DLC1: variants seen among roughly 807,000 people sequenced by gnomAD.
DLC1 encodes DLC1 Rho GTPase activating protein.
In DLC1, 54 loss-of-function variants were observed where a neutral mutation model predicts 140.3. The observed-to-expected ratio is 0.38, with a 90% CI of 0.31 to 0.48. The LOEUF is 0.48. Ranked by LOEUF, DLC1 falls within the 20% of genes least tolerant of loss-of-function variation. The pLI is 0.96. For synonymous variants in DLC1, 986 were observed against 728.1 expected (o/e 1.35, Z -5.70); for missense variants, 2,536 against 1,907.0 (o/e 1.33, Z -6.14).
chr8:13,591,529 C>G (rs532306106), intron 1 of DLC1, among the ~76,000 whole-genome samples: 2 of 152,042 alleles, frequency 1.3e-5, no homozygotes, highest in Non-Finnish European at 2.9e-5. Flanking sequence ...CATGCAGAAC[C>G]GTGAGTCAAT....
At chr8:13,566,940 G>A (rs2117397284) in intron 1 of DLC1, 1 of 1,477,076 alleles carries the variant, frequency 6.8e-7, no homozygotes, top group Middle Eastern at 1.8e-4. Flanking sequence ...GGGTTCCTGA[G>A]CCAGTCTTAA....
intron 1 of DLC1, among the ~76,000 whole-genome samples, chr8:13,591,921 G>T (rs1021609644): frequency 6.6e-6 from 1 of 152,054 alleles, no homozygotes; most frequent in African/African-American, 2.4e-5. Flanking sequence ...TGACCTTGTC[G>T]AGTTCAGTGT....
intron 1 of DLC1, among the ~76,000 whole-genome samples, chr8:13,509,953 A>C (rs1213482579): frequency 6.6e-6 from 1 of 152,176 alleles, no homozygotes; most frequent in African/African-American, 2.4e-5. Flanking sequence ...TAAAACACTT[A>C]GTCCATGGCA....
At chr8:13,177,040 T>G (rs1037815279) in intron 5 of DLC1, among the ~76,000 whole-genome samples, 3 of 152,214 alleles carry the variant, frequency 2.0e-5, no homozygotes, top group Non-Finnish European at 4.4e-5. Flanking sequence ...CTAAACTATC[T>G]AATCATAGGT....
chr8:13,294,637 G>C (rs150250355), intron 5 of DLC1, among the ~76,000 whole-genome samples: 11 of 152,152 alleles, frequency 7.2e-5, no homozygotes, highest in Non-Finnish European at 1.5e-4. Flanking sequence ...AGGAAGGTGC[G>C]TGCTAGAAGA....
intron 5 of DLC1, among the ~76,000 whole-genome samples, chr8:13,173,702 A>G (rs1437097326): frequency 6.6e-6 from 1 of 152,182 alleles, no homozygotes; most frequent in Admixed American, 6.5e-5. Flanking sequence ...TACTAAATTA[A>G]GGATAAAGCT....
chr8:13,121,948 C>G (rs1179718359), intron 5 of DLC1, among the ~76,000 whole-genome samples: 2 of 152,016 alleles, frequency 1.3e-5, no homozygotes, highest in East Asian at 3.9e-4. Flanking sequence ...AGAAAAGCTC[C>G]CTCAGTTTAA....
At chr8:13,540,886 C>T (rs1043691655) in intron 1 of DLC1, among the ~76,000 whole-genome samples, 3 of 152,186 alleles carry the variant, frequency 2.0e-5, no homozygotes, top group Non-Finnish European at 4.4e-5. Flanking sequence ...AAGACTCTAG[C>T]AAAATTCGTG....
chr8:13,321,534 C>G (rs1257382671), intron 4 of DLC1, among the ~76,000 whole-genome samples: 1 of 55,168 alleles, frequency 1.8e-5, no homozygotes, highest in African/African-American at 6.2e-5. Flanking sequence ...GAGACTCAGT[C>G]TCAAAAAAGA....
At chr8:13,256,177 C>A (rs1830218971) in intron 5 of DLC1, among the ~76,000 whole-genome samples, 3 of 151,810 alleles carry the variant, frequency 2.0e-5, no homozygotes, top group African/African-American at 7.3e-5. Flanking sequence ...AATATATGGC[C>A]AAAAAAATCC....
At chr8:13,151,751 G>A (rs1823830133) in intron 5 of DLC1, among the ~76,000 whole-genome samples, 1 of 152,168 alleles carries the variant, frequency 6.6e-6, no homozygotes, top group Non-Finnish European at 1.5e-5. Flanking sequence ...AAATGAAAAT[G>A]ATGTGAAGAA....
chr8:13,314,843 C>A (rs903812547), intron 4 of DLC1, among the ~76,000 whole-genome samples: 1 of 152,168 alleles, frequency 6.6e-6, no homozygotes, highest in Non-Finnish European at 1.5e-5. Context: ...ATAAAGTGGG[C>A]TCTTGGCTGG....
At chr8:13,162,528 G>A (rs751148697) in intron 5 of DLC1, among the ~76,000 whole-genome samples, 1 of 152,152 alleles carries the variant, frequency 6.6e-6, no homozygotes, top group Non-Finnish European at 1.5e-5. Context: ...TCACCATGTT[G>A]GCCAGGCTGG....
At chr8:13,556,057 C>T (rs1585270792) in intron 1 of DLC1, among the ~76,000 whole-genome samples, 1 of 152,078 alleles carries the variant, frequency 6.6e-6, no homozygotes, top group East Asian at 1.9e-4. Context: ...AAGAAAATGG[C>T]CAGGAGTAAG....
At chr8:13,245,310 C>T (rs560097116) in intron 5 of DLC1, among the ~76,000 whole-genome samples, 3 of 152,298 alleles carry the variant, frequency 2.0e-5, no homozygotes, top group Admixed American at 2.0e-4. Flanking sequence ...GTCTTGCAAC[C>T]CTAGCCTTTG....
intron 5 of DLC1, among the ~76,000 whole-genome samples, chr8:13,183,585 T>C (rs1477475759): frequency 2.6e-5 from 4 of 152,246 alleles, no homozygotes; most frequent in Non-Finnish European, 5.9e-5. Context: ...ATGTGGTTTT[T>C]TTCATTGGTT....
At chr8:13,278,921 G>T (rs1323401703) in intron 5 of DLC1, among the ~76,000 whole-genome samples, 2 of 152,116 alleles carry the variant, frequency 1.3e-5, no homozygotes, top group African/African-American at 4.8e-5. Context: ...AGCTTAGAAA[G>T]AAAAAATTCG....
intron 1 of DLC1, among the ~76,000 whole-genome samples, chr8:13,547,355 C>T (rs1167995942): frequency 2.0e-5 from 3 of 151,924 alleles, no homozygotes; most frequent in African/African-American, 7.2e-5. Flanking sequence ...GAGGGGTTCT[C>T]TTGTAATGGA....
intron 5 of DLC1, among the ~76,000 whole-genome samples, chr8:13,153,485 G>C (rs982180182): frequency 2.6e-5 from 4 of 152,210 alleles, no homozygotes; most frequent in Admixed American, 6.5e-5. Flanking sequence ...AGCTTCCACA[G>C]TGTGGAAAAC....
Sources: allele counts gnomAD v4.1 joint callset (sites outside exome capture counted in the v4.1 genomes callset), GRCh38; gene constraint gnomAD v4.1.1; transcripts MANE v1.5; gene names NCBI Gene and HGNC (gene_info 2026-07-23, HGNC 2026-07-21).